The following PPP2R3A variants were observed in gnomAD, a reference collection of about 807,000 sequenced individuals.
PPP2R3A encodes serine/threonine-protein phosphatase 2A regulatory subunit B'' subunit alpha.
A neutral mutation model predicts 106.9 loss-of-function variants in PPP2R3A; 80 were observed. The observed-to-expected ratio is 0.75, with a 90% CI of 0.62 to 0.90. The LOEUF is 0.90. Among genes scored for constraint, PPP2R3A ranks in the 40% least tolerant of loss-of-function variants. PPP2R3A has a pLI of 0.00. For missense variants in PPP2R3A, 1,386 were observed against 1,350.4 expected (o/e 1.03, Z -0.41); for synonymous variants, 483 against 468.3 (o/e 1.03, Z -0.41).
intron 5 of PPP2R3A, among the ~76,000 whole-genome samples, chr3:136,066,222 G>A (rs573693908): frequency 4.4e-4 from 67 of 152,300 alleles, no homozygotes; most frequent in African/African-American, 1.6e-3. Context: ...CAACCAGGTA[G>A]TTCAAATGCT....
At chr3:136,016,207 A>G (rs1934261763) in intron 2 of PPP2R3A, among the ~76,000 whole-genome samples, 1 of 152,112 alleles carries the variant, frequency 6.6e-6, no homozygotes, top group African/African-American at 2.4e-5. Context: ...CAGTTTTCTT[A>G]AGTTACTGAG....
chr3:136,141,207 T>C (rs554780213), intron 13 of PPP2R3A, among the ~76,000 whole-genome samples: 1 of 152,312 alleles, frequency 6.6e-6, no homozygotes, highest in African/African-American at 2.4e-5. Context: ...CTTATGGTGC[T>C]GAGGGAAGAA....
chr3:135,986,936 G>A (rs1266004132), intron 1 of PPP2R3A, among the ~76,000 whole-genome samples: 1 of 152,066 alleles, frequency 6.6e-6, no homozygotes, highest in Non-Finnish European at 1.5e-5. Context: ...TTTATGTTCT[G>A]TTGCTTATTT....
chr3:136,000,966 G>T, intron 1 of PPP2R3A, 93 bp from the exon 2 acceptor site: 1 of 388,566 alleles, frequency 2.6e-6, no homozygotes, highest in Non-Finnish European at 4.5e-6. Flanking sequence ...ATAATAAAGC[G>T]TGGTGGTTAA....
At chr3:136,099,711 T>C (rs778265601) in intron 10 of PPP2R3A, among the ~76,000 whole-genome samples, 26 of 151,838 alleles carry the variant, frequency 1.7e-4, no homozygotes, top group Middle Eastern at 6.3e-3. Context: ...AAATGAAATA[T>C]GGTACAGGCC....
intron 13 of PPP2R3A, among the ~76,000 whole-genome samples, chr3:136,109,789 C>T (rs752839317): frequency 7.9e-5 from 12 of 152,130 alleles, no homozygotes; most frequent in South Asian, 4.2e-4. Context: ...AAACTTTCAG[C>T]GGGCCACTAA....
intron 2 of PPP2R3A, chr3:136,022,907 T>C (rs1253572004): frequency 3.2e-5 from 46 of 1,431,258 alleles, no homozygotes; most frequent in Non-Finnish European, 4.1e-5. Context: ...CAAGCATAGA[T>C]TGTGGTCTGT....
intron 1 of PPP2R3A, among the ~76,000 whole-genome samples, chr3:135,979,344 T>C (rs1056728260): frequency 6.7e-6 from 1 of 150,302 alleles, no homozygotes; most frequent in African/African-American, 2.5e-5. Context: ...GCGCCACTGC[T>C]CTCCAGTGAC....
At chr3:136,138,680 C>G (rs1267687571) in intron 13 of PPP2R3A, among the ~76,000 whole-genome samples, 1 of 131,200 alleles carries the variant, frequency 7.6e-6, no homozygotes, top group Non-Finnish European at 1.6e-5. Flanking sequence ...AGACTCCAAA[C>G]TAGAGAAATA....
intron 5 of PPP2R3A, among the ~76,000 whole-genome samples, chr3:136,062,428 T>G (rs1936107664): frequency 6.6e-6 from 1 of 151,964 alleles, no homozygotes; most frequent in Non-Finnish European, 1.5e-5. Flanking sequence ...TACAGTTACA[T>G]TTGAGAATAA....
At chr3:136,051,363 C>G (rs1235373028) in intron 5 of PPP2R3A, among the ~76,000 whole-genome samples, 1 of 152,130 alleles carries the variant, frequency 6.6e-6, no homozygotes, top group Non-Finnish European at 1.5e-5. Flanking sequence ...GAGTCTCGCT[C>G]TTGTCGCCCA....
At chr3:136,109,461 C>T (rs1937563396) in intron 13 of PPP2R3A, among the ~76,000 whole-genome samples, 1 of 152,008 alleles carries the variant, frequency 6.6e-6, no homozygotes, top group African/African-American at 2.4e-5. Flanking sequence ...ATAATTAAGA[C>T]CCCCAAAAAA....
chr3:136,137,158 C>T (rs2108027638), intron 13 of PPP2R3A, among the ~76,000 whole-genome samples: 1 of 152,214 alleles, frequency 6.6e-6, no homozygotes, highest in Non-Finnish European at 1.5e-5. Flanking sequence ...AAAAACACCA[C>T]AGAAATTATG....
chr3:136,041,436 A>G (rs1157823777), intron 4 of PPP2R3A, among the ~76,000 whole-genome samples: 5 of 150,612 alleles, frequency 3.3e-5, no homozygotes, highest in Non-Finnish European at 7.4e-5. Flanking sequence ...TTTTATAGAG[A>G]CTGGATCTCA....
At chr3:135,974,305 C>T (rs1251317100) in intron 1 of PPP2R3A, among the ~76,000 whole-genome samples, 3 of 152,166 alleles carry the variant, frequency 2.0e-5, no homozygotes, top group Non-Finnish European at 4.4e-5. Flanking sequence ...ACCATCTATA[C>T]ACCAACAACT....
intron 8 of PPP2R3A, among the ~76,000 whole-genome samples, chr3:136,087,243 GTGTCTCTCTC>G (rs1559912413): frequency 4.0e-5 from 3 of 75,062 alleles, no homozygotes; most frequent in Non-Finnish European, 8.7e-5. Context: ...GTCTCTAGTC[GTGTCTCTCTC>G]TCTCTCTCTC....
rs144651688 is a variant in PPP2R3A, at chr3:136,117,999, C to T, written c.3329+11677C>T. ...TCAATAAAATACTGGCAAACTGAATCCAGCAGCACATCAGAAAGCTTATCC... is the reference window on the plus strand; with the variant it reads ...TCAATAAAATACTGGCAAACTGAATTCAGCAGCACATCAGAAAGCTTATCC... On this transcript the variant is annotated intron_variant, in intron 13 of 13. Coordinates refer to ENST00000264977, the MANE Select transcript of PPP2R3A (RefSeq NM_002718.5). Among the ~76,000 whole-genome samples the T allele has an allele frequency of 1.2e-3, 189 of 152,300 alleles. 1 individual carries two copies. Among genetic ancestry groups the T allele is most frequent in the African/African-American group, 4.5e-3 (185 of 41,566 alleles).
chr3:136,099,112 A>G (rs901785353), intron 10 of PPP2R3A, among the ~76,000 whole-genome samples: 2 of 152,230 alleles, frequency 1.3e-5, no homozygotes, highest in Non-Finnish European at 2.9e-5. Context: ...TCCAAGCAAG[A>G]AACTGAAATG....
chr3:136,054,926 C>T (rs12633805), intron 5 of PPP2R3A, among the ~76,000 whole-genome samples: 49,919 of 152,026 alleles, frequency 0.33, 8,825 homozygotes, highest in African/African-American at 0.46. Flanking sequence ...ATATAGATAT[C>T]TCATTTGAGT....
Sources: gnomAD v4.1 joint callset for allele counts (sites outside exome capture counted in the v4.1 genomes callset) on GRCh38, gnomAD v4.1.1 for gene constraint, MANE v1.5 for transcripts, NCBI Gene and HGNC (gene_info 2026-07-23, HGNC 2026-07-21) for gene names.